The following CCDC148 variants were observed in gnomAD, a reference collection of about 807,000 sequenced individuals.
The protein encoded by CCDC148 is coiled-coil domain-containing protein 148.
CCDC148 carries 89 observed loss-of-function variants against 85.7 expected under a neutral mutation model. The observed-to-expected ratio is 1.04, with a 90% CI of 0.87 to 1.24. CCDC148 has a LOEUF of 1.24. CCDC148 is among the 50% of genes most tolerant of loss of function. CCDC148 has a pLI of 0.00. For missense variants in CCDC148, 692 were observed against 671.7 expected (o/e 1.03, Z -0.33); for synonymous variants, 230 against 213.9 (o/e 1.08, Z -0.66).
intron 11 of CCDC148, among the ~76,000 whole-genome samples, chr2:158,198,412 G>A (rs17262454): frequency 0.042 from 6,334 of 152,272 alleles, 185 homozygotes; most frequent in Middle Eastern, 0.068. Flanking sequence ...TAGTATCACT[G>A]TGTTCTCAGA....
intron 1 of CCDC148, among the ~76,000 whole-genome samples, chr2:158,410,465 C>T (rs1686209579): frequency 6.6e-6 from 1 of 152,044 alleles, no homozygotes; most frequent in Admixed American, 6.6e-5. Context: ...TTTGTTACGA[C>T]ATGATTTTTG....
chr2:158,435,035 CA>C (rs1304412524), intron 1 of CCDC148, among the ~76,000 whole-genome samples: 1 of 152,118 alleles, frequency 6.6e-6, no homozygotes, highest in African/African-American at 2.4e-5. Context: ...AGAATGGAAC[CA>C]AGTTGGAAAA....
intron 10 of CCDC148, among the ~76,000 whole-genome samples, chr2:158,221,491 T>C (rs1252539234): frequency 6.6e-6 from 1 of 152,160 alleles, no homozygotes; most frequent in East Asian, 1.9e-4. Context: ...TGGCCTGCCA[T>C]GTTGTGCCTG....
chr2:158,176,696 G>T (rs767532217), intron 12 of CCDC148, 35 bp from the exon 13 acceptor site: 2 of 1,607,098 alleles, frequency 1.2e-6, no homozygotes, highest in African/African-American at 2.7e-5. Context: ...TTGGAACAAG[G>T]TACAAACTAA....
At chr2:158,294,276 C>G (rs1691064727) in intron 9 of CCDC148, among the ~76,000 whole-genome samples, 1 of 151,996 alleles carries the variant, frequency 6.6e-6, no homozygotes, top group African/African-American at 2.4e-5. Context: ...CTTTTTGTTG[C>G]TGAGTAATAT....
intron 1 of CCDC148, among the ~76,000 whole-genome samples, chr2:158,452,702 T>C (rs1451370659): frequency 6.6e-6 from 1 of 152,232 alleles, no homozygotes; most frequent in East Asian, 1.9e-4. Flanking sequence ...ATTGGCTACA[T>C]GGCTCAGGTC....
rs533658452 is a variant in CCDC148, at chr2:158,344,366, C to A, written c.251+849G>T. ...AGCCTTCTACTTCACATAAAGGAGT[C>A]ACCTGCCAGAATAAGAAACTCATCA... On this transcript the variant is annotated intron_variant, in intron 3 of 13. Coordinates refer to ENST00000283233, the MANE Select transcript of CCDC148 (RefSeq NM_138803.4). 2.0e-5 allele frequency among the ~76,000 whole-genome samples: 3 copies of A among 152,190 alleles called. No homozygotes were observed. In the South Asian group the frequency reaches 6.2e-4, roughly 32 times the overall value.
intron 1 of CCDC148, among the ~76,000 whole-genome samples, chr2:158,433,433 A>C (rs895088519): frequency 6.6e-6 from 1 of 152,038 alleles, no homozygotes; most frequent in Non-Finnish European, 1.5e-5. Context: ...TTGTATCAAA[A>C]TATGCAATGA....
chr2:158,338,628 C>T lies in CCDC148; in HGVS notation c.764+98G>A, dbSNP rs1682509789. The T allele has an allele frequency of 3.8e-6, 3 of 790,696 alleles. No individual in the cohort carries two copies. In the South Asian group the frequency reaches 5.5e-5, roughly 14 times the overall value. The allele number at this position is 790,696 out of a possible 1,614,324, so 49.0% of individuals were successfully genotyped here. A position where few individuals can be genotyped will look rare whatever the true frequency, so the allele number is the denominator to read the frequency against. The stretch of plus-strand genomic sequence containing the variant: ...ACATTTATTGATTGTATTCCAGTTA[C>T]ATAGTAACTATACAGTAAGTTGGAA... On this transcript the variant is annotated intron_variant, in intron 7 of 13. Coordinates refer to ENST00000283233, the MANE Select transcript of CCDC148 (RefSeq NM_138803.4).
At chr2:158,391,678 T>G (rs1280605073) in intron 1 of CCDC148, among the ~76,000 whole-genome samples, 1 of 152,176 alleles carries the variant, frequency 6.6e-6, no homozygotes, top group Non-Finnish European at 1.5e-5. Flanking sequence ...GGTGAAATTT[T>G]TGTTGCAATA....
chr2:158,420,801 T>TAA (rs1686740917), intron 1 of CCDC148, among the ~76,000 whole-genome samples: 1 of 151,582 alleles, frequency 6.6e-6, no homozygotes, highest in South Asian at 2.1e-4. Context: ...GCAACTTGGA[T>TAA]AGAGTCAAGA....
intron 11 of CCDC148, among the ~76,000 whole-genome samples, chr2:158,201,700 C>T (rs995411697): frequency 4.6e-5 from 7 of 152,110 alleles, no homozygotes; most frequent in African/African-American, 1.4e-4. Flanking sequence ...GTGTGAGCCA[C>T]CAAACCTGGC....
chr2:158,271,417 C>T (rs965249757), intron 9 of CCDC148, among the ~76,000 whole-genome samples: 1 of 152,116 alleles, frequency 6.6e-6, no homozygotes, highest in Admixed American at 6.5e-5. Context: ...CTGAGTAGTG[C>T]GATGAAATTT....
chr2:158,220,563 C>T, intron 11 of CCDC148, 32 bp downstream of exon 11: 1 of 1,467,414 alleles, frequency 6.8e-7, no homozygotes, highest in South Asian at 1.2e-5. Flanking sequence ...TTCACCACCT[C>T]CATTACCACA....
chr2:158,411,674 T>C (rs1686266456), intron 1 of CCDC148, among the ~76,000 whole-genome samples: 1 of 152,180 alleles, frequency 6.6e-6, no homozygotes, highest in South Asian at 2.1e-4. Context: ...GTCAGGCAAT[T>C]TGTAGATCCC....
chr2:158,249,516 A>C (rs1156643059), intron 10 of CCDC148, among the ~76,000 whole-genome samples: 1 of 152,172 alleles, frequency 6.6e-6, no homozygotes, highest in Non-Finnish European at 1.5e-5. Context: ...AGAAGCAGAA[A>C]TCAAATTCCT....
At chr2:158,455,631 T>TAACATA (rs3080868) in intron 1 of CCDC148, among the ~76,000 whole-genome samples, 137,753 of 151,652 alleles carry the variant, frequency 0.91, 62,655 homozygotes, top group East Asian at 0.98. Context: ...TGAGGGGTAG[T>TAACATA]AACATAGTCT....
chr2:158,364,487 A>T (rs766692050), intron 1 of CCDC148, among the ~76,000 whole-genome samples: 2 of 152,322 alleles, frequency 1.3e-5, no homozygotes, highest in Middle Eastern at 3.4e-3. Context: ...AACAGAACAG[A>T]GGCCTCAGAA....
In CCDC148 at chr2:158,247,813, G is replaced by A. The variant is rs372460789; in HGVS notation, c.1251+2959C>T. On this transcript the variant is annotated intron_variant, in intron 10 of 13. Coordinates refer to ENST00000283233, the MANE Select transcript of CCDC148 (RefSeq NM_138803.4). ...AGAAGTTGCAGTGAGCCAAGATCACGCCATTGCACTCCAGCCTGGGCGACA... is the reference window on the plus strand; with the variant it reads ...AGAAGTTGCAGTGAGCCAAGATCACACCATTGCACTCCAGCCTGGGCGACA... Among the ~76,000 whole-genome samples, 50 of 152,232 alleles carry A rather than the reference G, an allele frequency of 3.3e-4. No homozygotes were observed. In the South Asian group the frequency reaches 1.0e-2, roughly 30 times the overall value.
Sources: gnomAD v4.1 joint callset for allele counts (sites outside exome capture counted in the v4.1 genomes callset) on GRCh38, gnomAD v4.1.1 for gene constraint, MANE v1.5 for transcripts, NCBI Gene and HGNC (gene_info 2026-07-23, HGNC 2026-07-21) for gene names.